Variants in AFAP1 observed in about 807,000 individuals in gnomAD.
The protein encoded by AFAP1 is actin filament-associated protein 1.
In AFAP1, 75 loss-of-function variants were observed where a neutral mutation model predicts 93.9. The observed-to-expected ratio is 0.80, with a 90% CI of 0.66 to 0.97. The LOEUF (loss-of-function observed/expected upper bound fraction) is 0.97. Among genes scored for constraint, AFAP1 ranks in the 50% least tolerant of loss-of-function variants. AFAP1 has a pLI of 0.00. For synonymous variants in AFAP1, 517 were observed against 430.7 expected, an observed-to-expected ratio of 1.20 and a Z score of -2.48; for missense variants, 1,201 against 1,050.8, an observed-to-expected ratio of 1.14 and a Z score of -1.98.
At chr4:7,886,588 A>G (rs571878691) in intron 1 of AFAP1, among the ~76,000 whole-genome samples, 10 of 152,342 alleles carry the variant, frequency 6.6e-5, no homozygotes, top group African/African-American at 2.4e-4. Flanking sequence ...AACTCCACAG[A>G]ACACTTTACT....
chr4:7,917,670 C>T lies in AFAP1; in HGVS notation c.-3+21986G>A, dbSNP rs539549609. On this transcript the variant is annotated intron_variant, in intron 1 of 17. Transcript: ENST00000420658. ...ACGTACCTCTCACTACAACTCAACA[C>T]CAGCTCTCTCTTCTCTTGGTCCAAT... Among the ~76,000 whole-genome samples, 332 of 152,298 alleles carry T rather than the reference C, an allele frequency of 2.2e-3. 1 individual carries two copies. Among genetic ancestry groups the T allele is most frequent in the Non-Finnish European group, 4.0e-3 (270 of 68,014 alleles).
chr4:7,851,757 C>A (rs1714467797), intron 4 of AFAP1, among the ~76,000 whole-genome samples: 1 of 152,226 alleles, frequency 6.6e-6, no homozygotes. Context: ...CAGACGGCAA[C>A]ATCAACCTCC....
chr4:7,794,222 C>T (rs908825121), intron 10 of AFAP1, among the ~76,000 whole-genome samples: 23 of 152,212 alleles, frequency 1.5e-4, no homozygotes, highest in African/African-American at 4.6e-4. Flanking sequence ...ACTTGGGAAG[C>T]GTGACCAAGC....
Position 7,907,634 on chromosome 4 carries a change from C to T in AFAP1, c.-3+32022G>A, listed in dbSNP as rs116767612. 2.1e-3 allele frequency among the ~76,000 whole-genome samples: 323 copies of T among 152,234 alleles called. 2 individuals are homozygous for T. The highest frequency in any genetic ancestry group is 6.7e-3 in the African/African-American group (280 of 41,548). On this transcript the variant is annotated intron_variant, in intron 1 of 17. Transcript: ENST00000420658. Reference sequence around the variant, plus strand: ...ACTCCGAAATCTATAACTTTTTGAGCGCTGACGTGACGCCCAATGAAATCT... The same window carrying T: ...ACTCCGAAATCTATAACTTTTTGAGTGCTGACGTGACGCCCAATGAAATCT...
chr4:7,830,649 C>T (rs1239830330), intron 6 of AFAP1, among the ~76,000 whole-genome samples: 2 of 152,108 alleles, frequency 1.3e-5, no homozygotes, highest in Non-Finnish European at 2.9e-5. Flanking sequence ...CATTCTGTCA[C>T]CCAGGCTGGA....
At chr4:7,868,807 T>G in intron 2 of AFAP1, 88 bp from the exon 3 acceptor site, 1 of 1,103,058 alleles carries the variant, frequency 9.1e-7, no homozygotes, top group Non-Finnish European at 1.3e-6. Flanking sequence ...GAACCCTGTG[T>G]TGAACACTTT....
intron 12 of AFAP1, among the ~76,000 whole-genome samples, chr4:7,783,970 G>C (rs1046687754): frequency 6.6e-6 from 1 of 152,206 alleles, no homozygotes; most frequent in Non-Finnish European, 1.5e-5. Flanking sequence ...AGACTGTGCT[G>C]TCAAGAGACA....
At chr4:7,794,101 G>C (rs1291826915) in intron 10 of AFAP1, among the ~76,000 whole-genome samples, 2 of 152,154 alleles carry the variant, frequency 1.3e-5, no homozygotes, top group South Asian at 4.1e-4. Context: ...TAGGGTGTAA[G>C]ACAGGAAAAT....
chr4:7,864,023 A>AACTTCCCATCACAACACC (rs1560207758), intron 3 of AFAP1, among the ~76,000 whole-genome samples: 54 of 22,366 alleles, frequency 2.4e-3, no homozygotes, highest in Non-Finnish European at 2.8e-3. Context: ...ATCACAACCC[A>AACTTCCCATCACAACACC]TTCCCAACTT....
intron 1 of AFAP1, among the ~76,000 whole-genome samples, chr4:7,894,642 T>A (rs1577341139): frequency 6.6e-6 from 1 of 152,140 alleles, no homozygotes; most frequent in Non-Finnish European, 1.5e-5. Context: ...CCAACCACCA[T>A]AACTGTGTTG....
chr4:7,817,398 C>T (rs1002761303), intron 7 of AFAP1, among the ~76,000 whole-genome samples: 1 of 152,076 alleles, frequency 6.6e-6, no homozygotes, highest in African/African-American at 2.4e-5. Flanking sequence ...GTCAGGAGTT[C>T]GAGACCAGCC....
rs532679673 is a variant in AFAP1 at position 7,859,199 on chromosome 4, T to A, written c.226-3625A>T. ...ACTTTGGGAGACGGAGGCAGGCAGA[T>A]CACAAGGTCAAGAGTTCAAGACCAG... On this transcript the variant is annotated intron_variant, in intron 3 of 17. Transcript: ENST00000420658. Among the ~76,000 whole-genome samples the A allele has an allele frequency of 1.4e-4, 22 of 152,258 alleles. No individual in the cohort carries two copies. In the East Asian group the frequency reaches 4.1e-3, roughly 28 times the overall value.
intron 1 of AFAP1, among the ~76,000 whole-genome samples, chr4:7,898,143 C>T (rs956486751): frequency 1.3e-5 from 2 of 152,172 alleles, no homozygotes; most frequent in Non-Finnish European, 2.9e-5. Flanking sequence ...GGGACAGTGG[C>T]TCACGCCTGT....
At chr4:7,773,364 T>G in intron 15 of AFAP1, 2 of 239,116 alleles carry the variant, frequency 8.4e-6, no homozygotes, top group Non-Finnish European at 8.1e-6. Flanking sequence ...AACCCTGTCC[T>G]CCCCTAACGC....
Position 7,815,257 on chromosome 4 carries a change from G to C in AFAP1, c.904+761C>G, listed in dbSNP as rs114635760. On this transcript the variant is annotated intron_variant, in intron 8 of 17. Transcript: ENST00000420658. Reference sequence around the variant, plus strand: ...GGGTGCCAGGGGCTGGGGGAGGAGGGAATGGGGAGTCAGTGTTTAAAAGGG... The same window carrying C: ...GGGTGCCAGGGGCTGGGGGAGGAGGCAATGGGGAGTCAGTGTTTAAAAGGG... 4.8e-3 allele frequency among the ~76,000 whole-genome samples: 710 copies of C among 147,816 alleles called. 1 individual carries two copies. The highest frequency in any genetic ancestry group is 0.016 in the African/African-American group (656 of 40,220).
chr4:7,856,868 A>G (rs1363400738), intron 3 of AFAP1, among the ~76,000 whole-genome samples: 1 of 152,190 alleles, frequency 6.6e-6, no homozygotes, highest in Non-Finnish European at 1.5e-5. Flanking sequence ...ACACTTCTGC[A>G]CTTGCCACAT....
chr4:7,847,793 C>CGGCGGG (rs1553845889), intron 4 of AFAP1, among the ~76,000 whole-genome samples: 4 of 102,004 alleles, frequency 3.9e-5, no homozygotes, highest in African/African-American at 1.4e-4. Flanking sequence ...CAGGGGTACT[C>CGGCGGG]GGGGTGGGGC....
At position 7,855,457 on chromosome 4, in the gene AFAP1, G is replaced by A. The variant is rs776601552; in HGVS notation, c.334+9C>T. 2.5e-6 allele frequency: 4 copies of A among 1,580,834 alleles called. No individual in the cohort carries two copies. The highest frequency in any genetic ancestry group is 2.7e-5 in the African/African-American group (2 of 74,200). On this transcript the variant is annotated intron_variant, in intron 4 of 17. Coordinates refer to ENST00000420658, the MANE Select transcript of AFAP1 (RefSeq NM_001134647.2). ...AAGGCAGCATGGCTGGGCAGGGCTG[G>A]CCACTCACTTGATGTGATGTATTCC...
intron 1 of AFAP1, among the ~76,000 whole-genome samples, chr4:7,911,904 G>A (rs1416199649): frequency 3.9e-5 from 6 of 152,222 alleles, no homozygotes; most frequent in Admixed American, 1.3e-4. Flanking sequence ...GTTTTGGAAA[G>A]ATTGTTCCAA....
Sources: allele counts gnomAD v4.1 joint callset (sites outside exome capture counted in the v4.1 genomes callset), GRCh38; gene constraint gnomAD v4.1.1; transcripts MANE v1.5; gene names NCBI Gene and HGNC (gene_info 2026-07-23, HGNC 2026-07-21).